Variants in MTUS2 observed in about 807,000 individuals in gnomAD.
MTUS2 encodes the protein microtubule-associated tumor suppressor candidate 2.
A neutral mutation model predicts 114.1 loss-of-function variants in MTUS2; 40 were observed. The ratio of observed to expected loss-of-function variants is 0.35; its 90% CI spans 0.27 to 0.46. MTUS2 has a LOEUF of 0.46. Among genes scored for constraint, MTUS2 ranks in the 20% least tolerant of loss-of-function variants. MTUS2 has a pLI of 1.00. For missense variants in MTUS2, 1,679 were observed against 1,705.4 expected (o/e 0.98, Z 0.27); for synonymous variants, 688 against 672.0 (o/e 1.02, Z -0.37).
chr13:28,911,845 G>GTTTTTTTTTTTTTTTTTTTTTTTATT (rs202187530), intron 2 of MTUS2, among the ~76,000 whole-genome samples: 2 of 103,828 alleles, frequency 1.9e-5, no homozygotes, highest in Admixed American at 9.6e-5. Flanking sequence ...ACTTTTTAAT[G>GTTTTTTTTTTTTTTTTTTTTTTTATT]TTTTTTTTTT....
At chr13:29,018,289 G>A (rs1886150632) in intron 2 of MTUS2, among the ~76,000 whole-genome samples, 1 of 152,136 alleles carries the variant, frequency 6.6e-6, no homozygotes, top group Non-Finnish European at 1.5e-5. Flanking sequence ...CCTGTCATTG[G>A]GCTGGGCCAC....
At chr13:29,467,943 T>C (rs1323631083) in intron 9 of MTUS2, among the ~76,000 whole-genome samples, 1 of 151,962 alleles carries the variant, frequency 6.6e-6, no homozygotes, top group East Asian at 1.9e-4. Flanking sequence ...TGAGAAACCC[T>C]GTCTCTACAA....
At chr13:29,018,091 A>G (rs1312385114) in intron 2 of MTUS2, among the ~76,000 whole-genome samples, 4 of 152,160 alleles carry the variant, frequency 2.6e-5, no homozygotes, top group African/African-American at 4.8e-5. Context: ...AGAATTTACG[A>G]AAGGTTTCAT....
In MTUS2 at chr13:29,026,092, A is replaced by G; in HGVS notation, c.1394A>G (p.Asp465Gly). Reference sequence around the variant, plus strand: ...AGGCGGTTGGGCAGTGGGAATAAGGACAGTGTTATGGTTTTGGTGTTCAAT... The same window carrying G: ...AGGCGGTTGGGCAGTGGGAATAAGGGCAGTGTTATGGTTTTGGTGTTCAAT... ...EERRLGSGNK[D>G]SVMVLVFNPS... Residue 465 changes from aspartate to glycine, a missense_variant, in exon 3 of 16, where the codon GAC (aspartate) becomes GGC (glycine). By Grantham distance (94) the Asp-to-Gly change is moderately conservative (BLOSUM62 -1). Transcript: ENST00000612955. 6.2e-7 allele frequency: 1 copy of G among 1,613,944 alleles called. No homozygotes were observed. Among genetic ancestry groups the G allele is most frequent in the African/African-American group, 1.3e-5 (1 of 75,026 alleles).
intron 3 of MTUS2, among the ~76,000 whole-genome samples, chr13:29,030,508 G>A (rs1050999537): frequency 6.6e-6 from 1 of 152,098 alleles, no homozygotes; most frequent in Non-Finnish European, 1.5e-5. Context: ...CAAAAGTGGG[G>A]AACAGGCTGG....
chr13:29,123,730 G>A (rs895353547), intron 5 of MTUS2, among the ~76,000 whole-genome samples: 5 of 151,658 alleles, frequency 3.3e-5, no homozygotes, highest in South Asian at 2.1e-4. Context: ...ACACACACAC[G>A]CATACACACA....
intron 2 of MTUS2, among the ~76,000 whole-genome samples, chr13:28,982,346 T>A (rs940303939): frequency 2.0e-4 from 29 of 147,212 alleles, no homozygotes; most frequent in Admixed American, 4.0e-4. Context: ...GGTTATTATT[T>A]AAAAAAAAAA....
chr13:29,473,660 C>A (rs1370234771), intron 9 of MTUS2, among the ~76,000 whole-genome samples: 5 of 152,132 alleles, frequency 3.3e-5, no homozygotes, highest in African/African-American at 1.2e-4. Context: ...TGTCAATAAT[C>A]ATCAGTTATT....
In MTUS2 at chr13:29,172,358, G is replaced by A. The variant is rs892692900; in HGVS notation, c.2644+71388G>A. ...AAGACTAAAGTGATTCATGATTTTC[G>A]TTATTTGGGGTTTAGGTACATCAAG... On this transcript the variant is annotated intron_variant, in intron 5 of 15. Transcript: ENST00000612955. Among the ~76,000 whole-genome samples, 7 of 152,272 alleles carry A rather than the reference G, an allele frequency of 4.6e-5. 1 individual carries two copies. Among genetic ancestry groups the A allele is most frequent in the African/African-American group, 1.4e-4 (6 of 41,544 alleles).
chr13:28,879,546 C>T (rs536572316), intron 2 of MTUS2, among the ~76,000 whole-genome samples: 14 of 152,206 alleles, frequency 9.2e-5, no homozygotes, highest in African/African-American at 2.2e-4. Context: ...GTTATGTGAA[C>T]GGCTGATGTT....
intron 8 of MTUS2, among the ~76,000 whole-genome samples, chr13:29,429,176 T>C (rs932089740): frequency 1.3e-5 from 2 of 152,240 alleles, no homozygotes; most frequent in African/African-American, 4.8e-5. Context: ...TGCTCCAACA[T>C]CTTGAAATCA....
At position 28,917,815 on chromosome 13, in the gene MTUS2, T is replaced by G. The variant is rs141318044; in HGVS notation, c.-243+77965T>G. Among the ~76,000 whole-genome samples, 1,228 of 152,014 alleles carry G rather than the reference T, an allele frequency of 8.1e-3. 12 individuals carry two copies. The highest frequency in any genetic ancestry group is 0.028 in the African/African-American group (1,167 of 41,558). ...TTCTTTAAGCCATATTGTTAGGTTG[T>G]TTGTTTGATGTTTTTCTTCTTTTTT... On this transcript the variant is annotated intron_variant, in intron 2 of 15. Transcript: ENST00000612955.
At chr13:29,213,977 T>A (rs1895566672) in intron 5 of MTUS2, among the ~76,000 whole-genome samples, 1 of 152,174 alleles carries the variant, frequency 6.6e-6, no homozygotes, top group African/African-American at 2.4e-5. Context: ...GTCTCTTATT[T>A]TTGTGTTCTC....
intron 9 of MTUS2, among the ~76,000 whole-genome samples, chr13:29,460,530 T>G (rs1879408716): frequency 6.6e-6 from 1 of 152,200 alleles, no homozygotes; most frequent in Non-Finnish European, 1.5e-5. Context: ...CCATCAGAGC[T>G]TCACTGCAAA....
intron 2 of MTUS2, among the ~76,000 whole-genome samples, chr13:28,909,245 A>G (rs1566215639): frequency 6.6e-6 from 1 of 151,498 alleles, no homozygotes; most frequent in Non-Finnish European, 1.5e-5. Context: ...TGGTAGCTTA[A>G]TGGGGGTGGC....
intron 2 of MTUS2, among the ~76,000 whole-genome samples, chr13:29,010,272 C>G (rs527990758): frequency 2.0e-5 from 3 of 151,738 alleles, no homozygotes; most frequent in African/African-American, 7.3e-5. Context: ...TACAGTCACA[C>G]GCAGAATGCT....
intron 5 of MTUS2, among the ~76,000 whole-genome samples, chr13:29,110,816 A>G (rs1890853824): frequency 6.6e-6 from 1 of 152,200 alleles, no homozygotes; most frequent in African/African-American, 2.4e-5. Flanking sequence ...TATAAAGTTT[A>G]TAAGTGCCAT....
At chr13:29,366,622 A>T (rs35140256) in intron 8 of MTUS2, among the ~76,000 whole-genome samples, 16,758 of 152,246 alleles carry the variant, frequency 0.11, 1,215 homozygotes, top group Non-Finnish European at 0.15. Flanking sequence ...CTGGTATGGG[A>T]CCATCACGGT....
At chr13:29,490,837 A>G (rs1882010409) in intron 11 of MTUS2, among the ~76,000 whole-genome samples, 3 of 152,276 alleles carry the variant, frequency 2.0e-5, no homozygotes, top group Admixed American at 1.3e-4. Flanking sequence ...GTGGGAAGGA[A>G]GAGTGATCCT....
Sources: allele counts gnomAD v4.1 joint callset (sites outside exome capture counted in the v4.1 genomes callset), GRCh38; gene constraint gnomAD v4.1.1; transcripts MANE v1.5; gene names NCBI Gene and HGNC (gene_info 2026-07-23, HGNC 2026-07-21).